Variants in ZNF862 observed in about 807,000 individuals in gnomAD.
ZNF862 encodes the protein zinc finger protein 862.
ZNF862 carries 64 observed loss-of-function variants against 91.1 expected under a neutral mutation model. That is an observed-to-expected ratio of 0.70 (90% CI 0.57 to 0.87). The LOEUF (loss-of-function observed/expected upper bound fraction) is 0.87. Ranked by LOEUF, ZNF862 falls within the 40% of genes least tolerant of loss-of-function variation. The pLI is 0.00. For missense variants in ZNF862, 1,459 were observed against 1,528.0 expected, an observed-to-expected ratio of 0.95 and a Z score of 0.75; for synonymous variants, 631 against 618.1, an observed-to-expected ratio of 1.02 and a Z score of -0.31.
Position 149,861,339 on chromosome 7 carries a change from C to G in ZNF862, c.2179C>G (p.His727Asp), listed in dbSNP as rs753431483. Residue 727 changes from histidine (H) to aspartate (D), a missense_variant, in exon 7 of 8, where the codon CAC (histidine) becomes GAC (aspartate). By Grantham distance (81) the His-to-Asp change is moderately conservative. Transcript: ENST00000223210. This position sits in a 1 kb window ranked among gnomAD's most constrained non-coding sequence, Gnocchi z 6.7. ...PQLLPVHCVA[H>D]RLHLAVVDAC... ...GCTGCTGCCTGTCCACTGCGTGGCC[C>G]ACCGGCTGCACCTGGCTGTGGTGGA... 3 of 1,613,108 alleles carry G rather than the reference C, an allele frequency of 1.9e-6. No individual in the cohort carries two copies. The South Asian group carries it at 3.3e-5, about 18-fold the overall frequency.
intron 2 of ZNF862, chr7:149,844,956 A>C: frequency 2.0e-6 from 1 of 495,824 alleles, no homozygotes; most frequent in Non-Finnish European, 3.6e-6. Flanking sequence ...GAAGTGGGGC[A>C]ATCTGGCAGG....
At chr7:149,857,632 G>C (rs540195475) in intron 5 of ZNF862, among the ~76,000 whole-genome samples, 2 of 152,178 alleles carry the variant, frequency 1.3e-5, no homozygotes, top group Admixed American at 1.3e-4. Context: ...CCTTAGAAAC[G>C]GACTGGAAGC....
Position 149,861,985 on chromosome 7 carries a change from C to T in ZNF862, c.2825C>T (p.Pro942Leu), listed in dbSNP as rs775268377. ...CAGAGGTTTGACGCAGACCGACCCC[C>T]ACAGCTGAAGAACATGGAGGTGTTT... Reference protein sequence around the residue: ...LQQRFDADRPPQLKNMEVFDT... With the variant: ...LQQRFDADRPLQLKNMEVFDT... The change falls in exon 7 of 8, where the codon CCA (proline) becomes CTA (leucine). Residue 942 changes from proline to leucine, a missense_variant. Physicochemically the swap from Pro to Leu is moderately conservative, Grantham distance 98. Transcript: ENST00000223210. The surrounding 1 kb of genome is among the most constrained non-coding windows in gnomAD (Gnocchi z 6.7). 1 of 1,613,752 alleles carries T rather than the reference C, an allele frequency of 6.2e-7. No individual in the cohort carries two copies. The highest frequency in any genetic ancestry group is 1.3e-5 in the African/African-American group (1 of 74,904).
At position 149,848,024 on chromosome 7, in the gene ZNF862, A is replaced by G; in HGVS notation, c.531A>G (p.Leu177=). 1 of 1,613,834 alleles carries G rather than the reference A, an allele frequency of 6.2e-7. No homozygotes were observed. Among genetic ancestry groups the G allele is most frequent in the Non-Finnish European group, 8.5e-7 (1 of 1,179,812 alleles). ...YPSIRDKRSR[L]IEGYTGPFKV... is the part of the protein sequence containing the mutation. ...CCATCAGGGACAAACGGTCAAGACT[A>G]ATAGAAGGTTATACAGGACCATTCA... Residue 177 remains leucine, a synonymous_variant, in exon 4 of 8, where the codon CTA becomes CTG. Transcript: ENST00000223210.
chr7:149,860,290 A>G, intron 6 of ZNF862, 93 bp from the exon 7 acceptor site: 1 of 1,141,860 alleles, frequency 8.8e-7, no homozygotes, highest in Non-Finnish European at 1.2e-6. Flanking sequence ...GCCTTGCTTA[A>G]GGGATACTTA....
intron 3 of ZNF862, 25 bp downstream of exon 3, chr7:149,846,280 G>A (rs776463803): frequency 7.6e-6 from 12 of 1,579,834 alleles, no homozygotes; most frequent in Non-Finnish European, 1.0e-5. Flanking sequence ...GCACTCAGGG[G>A]CAGATGCTTG....
Position 149,859,581 on chromosome 7 carries a change from T to C in ZNF862, c.1222+55T>C, listed in dbSNP as rs144018001. 283 of 1,414,316 alleles carry C rather than the reference T, an allele frequency of 2.0e-4. 1 individual carries two copies. The highest frequency in any genetic ancestry group is 5.4e-4 in the Middle Eastern group (3 of 5,542). The allele number at this position is 1,414,316 out of a possible 1,614,324, so 87.6% of individuals were successfully genotyped here. A position where few individuals can be genotyped will look rare whatever the true frequency, so the allele number is the denominator to read the frequency against. On this transcript the variant is annotated intron_variant, in intron 6 of 7. Transcript: ENST00000223210. ...ACATGTGCCAGGGCCCAGGCGGCTA[T>C]GATGAGTCAAACAGCATGAGCTCAG... is the stretch of plus-strand genomic sequence containing the variant.
intron 3 of ZNF862, 54 bp from the exon 4 acceptor site, chr7:149,847,681 A>T (rs940268659): frequency 3.7e-6 from 5 of 1,340,332 alleles, no homozygotes; most frequent in Non-Finnish European, 5.1e-6. Flanking sequence ...TGTGAGTTGC[A>T]GTGGCTCTAA....
chr7:149,849,822 C>G (rs1802000382), intron 4 of ZNF862, among the ~76,000 whole-genome samples: 1 of 152,190 alleles, frequency 6.6e-6, no homozygotes, highest in Non-Finnish European at 1.5e-5. Flanking sequence ...TAGAGGCACA[C>G]AGTCACCTTT....
intron 1 of ZNF862, chr7:149,841,370 GAAT>G: frequency 3.8e-5 from 37 of 985,418 alleles, no homozygotes; most frequent in Non-Finnish European, 4.5e-5. Context: ...GTCATTGACA[GAAT>G]AATGGATAAG....
intron 5 of ZNF862, chr7:149,858,388 A>G (rs769915319): frequency 5.9e-5 from 9 of 152,224 alleles, no homozygotes; most frequent in Non-Finnish European, 1.2e-4. Context: ...TCAATTTAAC[A>G]CACTTTAGTA....
rs1327889035 is a variant in ZNF862, at chr7:149,862,177, C to A, written c.3017C>A (p.Ser1006Tyr). The A allele has an allele frequency of 1.2e-6, 2 of 1,613,378 alleles. No individual in the cohort carries two copies. Among genetic ancestry groups the A allele is most frequent in the East Asian group, 2.2e-5 (1 of 44,856 alleles). Residue 1006 changes from serine to tyrosine, a missense_variant, in exon 7 of 8, where the codon TCC becomes TAC. Physicochemically the swap from Ser to Tyr is moderately radical, Grantham distance 144. Coordinates refer to ENST00000223210, the MANE Select transcript of ZNF862 (RefSeq NM_001099220.3). The part of the protein sequence containing the change: ...LKTIAQHLPF[S>Y]MLCKNALAQH... ...ACCATTGCCCAGCACCTCCCGTTCT[C>A]CATGCTCTGCAAAAACGCCCTGGCC... is the stretch of plus-strand genomic sequence containing the variant.
At position 149,861,578 on chromosome 7, in the gene ZNF862, C is replaced by T; in HGVS notation, c.2418C>T (p.Ala806=). The T allele has an allele frequency of 6.3e-7, 1 of 1,595,812 alleles. No individual in the cohort carries two copies. Among genetic ancestry groups the T allele is most frequent in the Non-Finnish European group, 8.5e-7 (1 of 1,173,314 alleles). The part of the protein sequence containing the change: ...TLHALLVSWP[A]LARHLQRVAE... Reference sequence around the variant, plus strand: ...ACGCGCTGCTCGTGAGCTGGCCCGCCCTGGCCAGGCACCTCCAGAGGGTGG... The same window carrying T: ...ACGCGCTGCTCGTGAGCTGGCCCGCTCTGGCCAGGCACCTCCAGAGGGTGG... Residue 806 remains alanine (A), a synonymous_variant, in exon 7 of 8, where the codon GCC becomes GCT. Coordinates refer to ENST00000223210, the MANE Select transcript of ZNF862 (RefSeq NM_001099220.3). The surrounding 1 kb of genome is among the most constrained non-coding windows in gnomAD (Gnocchi z 6.7).
At chr7:149,858,299 T>A (rs1802328880) in intron 5 of ZNF862, 1 of 152,240 alleles carries the variant, frequency 6.6e-6, no homozygotes, top group Admixed American at 6.5e-5. Flanking sequence ...CTAATCCAAT[T>A]TATCTTGGGC....
intron 5 of ZNF862, among the ~76,000 whole-genome samples, chr7:149,853,207 G>A (rs1352576873): frequency 2.6e-5 from 4 of 151,996 alleles, no homozygotes; most frequent in Admixed American, 2.6e-4. Flanking sequence ...ACAGGCACAC[G>A]CACTGCACCT....
intron 3 of ZNF862, 98 bp from the exon 4 acceptor site, chr7:149,847,637 T>C: frequency 2.8e-6 from 2 of 711,282 alleles, no homozygotes; most frequent in Non-Finnish European, 4.6e-6. Flanking sequence ...GTGTGTGCTT[T>C]CCGTCTTTCA....
At position 149,862,131 on chromosome 7, in the gene ZNF862, G is replaced by A. The variant is rs1802532284; in HGVS notation, c.2971G>A (p.Glu991Lys). 1.2e-6 allele frequency: 2 copies of A among 1,613,382 alleles called. No homozygotes were observed. The highest frequency in any genetic ancestry group is 2.2e-5 in the East Asian group (1 of 44,868). The change falls in exon 7 of 8, where the codon GAG becomes AAG. Residue 991 changes from glutamate to lysine, a missense_variant. Glu to Lys is a moderately conservative substitution (Grantham distance 56, BLOSUM62 1). Transcript: ENST00000223210. ...AGGATACAGTGAGGAAGCTCTGCTG[G>A]AGGAGTGGCTGGGCCTGAAAACCAT... ...PTGYSEEALL[E>K]EWLGLKTIAQ...
chr7:149,858,488 G>A (rs970059397), intron 5 of ZNF862: 5 of 152,046 alleles, frequency 3.3e-5, no homozygotes, highest in Admixed American at 6.6e-5. Flanking sequence ...ATATTCAAGC[G>A]ATCCAAAGAT....
At chr7:149,848,557 G>A in intron 4 of ZNF862, 125 bp downstream of exon 4, 2 of 755,824 alleles carry the variant, frequency 2.6e-6, no homozygotes, top group Non-Finnish European at 4.0e-6. Context: ...TCATAATGTT[G>A]GCATATACCA....
Sources: gnomAD v4.1 joint callset for allele counts (sites outside exome capture counted in the v4.1 genomes callset) on GRCh38, gnomAD v4.1.1 for gene constraint, Gnocchi (gnomAD v3.1) non-coding constraint, MANE v1.5 for transcripts, NCBI Gene and HGNC (gene_info 2026-07-23, HGNC 2026-07-21) for gene names.